The following CSMD1 variants were observed in gnomAD, a reference collection of about 807,000 sequenced individuals.
The protein encoded by CSMD1 is CUB and Sushi multiple domains 1.
A neutral mutation model predicts 417.5 loss-of-function variants in CSMD1; 213 were observed. The observed-to-expected ratio is 0.51, with a 90% CI of 0.46 to 0.57. CSMD1 has a LOEUF of 0.57. CSMD1 is among the 20% of genes least tolerant of loss of function. CSMD1 has a pLI of 0.00. For missense variants in CSMD1, 6,923 were observed against 4,529.7 expected (o/e 1.53, Z -15.17); for synonymous variants, 2,862 against 1,736.8 (o/e 1.65, Z -16.11).
intron 5 of CSMD1, among the ~76,000 whole-genome samples, chr8:3,889,524 T>C (rs1806809091): frequency 8.2e-6 from 1 of 121,624 alleles, no homozygotes; most frequent in East Asian, 2.6e-4. Context: ...GATATATACA[T>C]ATATATACAT....
chr8:4,436,720 T>C (rs1328870204), intron 2 of CSMD1, among the ~76,000 whole-genome samples: 2 of 152,138 alleles, frequency 1.3e-5, no homozygotes, highest in African/African-American at 2.4e-5. Flanking sequence ...CCTATGTCCA[T>C]GAGTTTAATT....
At chr8:4,167,192 G>T (rs188555283) in intron 3 of CSMD1, among the ~76,000 whole-genome samples, 30 of 152,216 alleles carry the variant, frequency 2.0e-4, no homozygotes, top group African/African-American at 7.2e-4. Flanking sequence ...ATTTTTTCCA[G>T]AGGGCCTGTA....
At chr8:4,272,236 T>G (rs181271673) in intron 3 of CSMD1, among the ~76,000 whole-genome samples, 12 of 152,340 alleles carry the variant, frequency 7.9e-5, no homozygotes, top group Admixed American at 2.0e-4. Context: ...TAGTACTTTA[T>G]GCCCTTAATA....
Position 3,312,889 on chromosome 8 carries a change from G to A in CSMD1, c.3632-4386C>T, listed in dbSNP as rs746758178. Among the ~76,000 whole-genome samples, 28 of 152,170 alleles carry A rather than the reference G, an allele frequency of 1.8e-4. 1 individual carries two copies. The highest frequency in any genetic ancestry group is 3.3e-4 in the Admixed American group (5 of 15,272). On this transcript the variant is annotated intron_variant, in intron 23 of 69. Coordinates refer to ENST00000635120, the MANE Select transcript of CSMD1 (RefSeq NM_033225.6). ...CATTCGTTAGGATACAGCCTAGCCT[G>A]CTGTTTCCCTCTCTGCAAATTGCAT...
rs550946077 is a variant in CSMD1, at chr8:4,089,953, T to C, written c.416-57854A>G. Among the ~76,000 whole-genome samples the C allele has an allele frequency of 7.2e-5, 11 of 152,314 alleles. No individual in the cohort carries two copies. The South Asian group carries it at 2.3e-3, about 32-fold the overall frequency. ...ATTACATGTATTATTGTTGAATACG[T>C]TGCTGACTTTCAGATAGAATGCCGC... On this transcript the variant is annotated intron_variant, in intron 3 of 69. Coordinates refer to ENST00000635120, the MANE Select transcript of CSMD1 (RefSeq NM_033225.6).
At position 3,307,743 on chromosome 8, in the gene CSMD1, T is replaced by C; in HGVS notation, c.3902A>G (p.Asn1301Ser). ...SPGYPAPYDN[N>S]LHCTWIIEAD... ...CTCTATAATCCAGGTGCAGTGGAGG[T>C]TGTTGTCATACGGAGCTGGATAGCC... The change falls in exon 25 of 70, where the codon AAC becomes AGC. Residue 1301 changes from asparagine (N) to serine (S), a missense_variant. By Grantham distance (46) the Asn-to-Ser change is conservative. Coordinates refer to ENST00000635120, the MANE Select transcript of CSMD1 (RefSeq NM_033225.6). The C allele has an allele frequency of 2.5e-6, 4 of 1,613,680 alleles. No homozygotes were observed. Among genetic ancestry groups the C allele is most frequent in the Non-Finnish European group, 2.5e-6 (3 of 1,179,706 alleles).
At chr8:4,192,222 G>T (rs374059373) in intron 3 of CSMD1, among the ~76,000 whole-genome samples, 2 of 152,142 alleles carry the variant, frequency 1.3e-5, no homozygotes, top group African/African-American at 4.8e-5. Flanking sequence ...AAAGATGATT[G>T]AATGTTAACA....
At chr8:3,535,465 G>T (rs1270411820) in intron 10 of CSMD1, among the ~76,000 whole-genome samples, 1 of 152,164 alleles carries the variant, frequency 6.6e-6, no homozygotes, top group Admixed American at 6.5e-5. Context: ...AAGCCTCCAT[G>T]TTCTCACTTA....
chr8:3,861,208 T>C (rs1479123397), intron 5 of CSMD1, among the ~76,000 whole-genome samples: 2 of 152,158 alleles, frequency 1.3e-5, no homozygotes, highest in Non-Finnish European at 2.9e-5. Context: ...GGTTCAGTTG[T>C]CTAATGTGAT....
chr8:4,952,924 C>CT (rs1328324639), intron 1 of CSMD1, among the ~76,000 whole-genome samples: 1 of 152,082 alleles, frequency 6.6e-6, no homozygotes, highest in Admixed American at 6.6e-5. Context: ...TGATTCACTG[C>CT]TACATACTAC....
chr8:4,784,633 T>C (rs1276245966), intron 1 of CSMD1, among the ~76,000 whole-genome samples: 1 of 152,214 alleles, frequency 6.6e-6, no homozygotes, highest in East Asian at 1.9e-4. Flanking sequence ...GTTTTAAATA[T>C]CCATTATGCC....
chr8:4,467,364 C>T (rs1411084522), intron 2 of CSMD1, among the ~76,000 whole-genome samples: 1 of 152,098 alleles, frequency 6.6e-6, no homozygotes, highest in Non-Finnish European at 1.5e-5. Context: ...GCACCTGGAT[C>T]AATTCAAATG....
intron 2 of CSMD1, among the ~76,000 whole-genome samples, chr8:4,626,543 T>G (rs1483020040): frequency 2.6e-5 from 4 of 152,004 alleles, no homozygotes; most frequent in Admixed American, 2.0e-4. Context: ...AAAGCGGTTG[T>G]AAGAAGGAGA....
intron 6 of CSMD1, among the ~76,000 whole-genome samples, chr8:3,745,670 G>A (rs1345290706): frequency 1.3e-5 from 2 of 152,192 alleles, no homozygotes; most frequent in Non-Finnish European, 2.9e-5. Context: ...TGAATCCCCG[G>A]GGAAGTCAGG....
intron 7 of CSMD1, among the ~76,000 whole-genome samples, chr8:3,674,286 A>T (rs1295921009): frequency 6.6e-6 from 1 of 152,214 alleles, no homozygotes; most frequent in Non-Finnish European, 1.5e-5. Flanking sequence ...ATTGCAAATT[A>T]ATAAATCACC....
At chr8:4,221,162 C>G (rs1171318851) in intron 3 of CSMD1, among the ~76,000 whole-genome samples, 2 of 152,170 alleles carry the variant, frequency 1.3e-5, no homozygotes, top group Non-Finnish European at 2.9e-5. Flanking sequence ...CACTGAAGCT[C>G]CATCCGTGAT....
At chr8:4,793,709 A>T (rs1224160869) in intron 1 of CSMD1, among the ~76,000 whole-genome samples, 2 of 152,084 alleles carry the variant, frequency 1.3e-5, no homozygotes, top group African/African-American at 4.8e-5. Flanking sequence ...TTGGAGGCCA[A>T]ATCTTCTTTT....
At chr8:3,742,611 T>A (rs767462960) in intron 6 of CSMD1, among the ~76,000 whole-genome samples, 13 of 152,140 alleles carry the variant, frequency 8.5e-5, no homozygotes, top group African/African-American at 1.4e-4. Context: ...CCCTAGGACG[T>A]GCCCAGGTCC....
At chr8:3,861,385 C>A (rs1023256683) in intron 5 of CSMD1, among the ~76,000 whole-genome samples, 17 of 152,194 alleles carry the variant, frequency 1.1e-4, no homozygotes, top group African/African-American at 3.9e-4. Context: ...TAGCAGACAG[C>A]ATTGTTCATG....
Sources: gnomAD v4.1 joint callset for allele counts (sites outside exome capture counted in the v4.1 genomes callset) on GRCh38, gnomAD v4.1.1 for gene constraint, MANE v1.5 for transcripts, NCBI Gene and HGNC (gene_info 2026-07-23, HGNC 2026-07-21) for gene names.